The following IPMK variants were observed in gnomAD, a reference collection of about 807,000 sequenced individuals.
IPMK encodes inositol polyphosphate multikinase.
A neutral mutation model predicts 45.8 loss-of-function variants in IPMK; 17 were observed. That is an observed-to-expected ratio of 0.37 (90% CI 0.25 to 0.56). The LOEUF (loss-of-function observed/expected upper bound fraction) is 0.56, where lower values mean the gene tolerates loss of function less well. Among genes scored for constraint, IPMK ranks in the 20% least tolerant of loss-of-function variants. The pLI is 0.79. For synonymous variants in IPMK, 180 were observed against 184.3 expected (o/e 0.98, Z 0.19); for missense variants, 399 against 498.0 (o/e 0.80, Z 1.89).
intron 4 of IPMK, among the ~76,000 whole-genome samples, chr10:58,204,622 A>G (rs1177505940): frequency 2.0e-5 from 3 of 152,118 alleles, no homozygotes; most frequent in African/African-American, 7.2e-5. Context: ...AGTGAGACAC[A>G]GTCTCCACAA....
At position 58,201,244 on chromosome 10, in the gene IPMK, T is replaced by C. The variant is rs573809104; in HGVS notation, c.547-1923A>G. Among the ~76,000 whole-genome samples the C allele has an allele frequency of 2.6e-5, 4 of 152,346 alleles. No homozygotes were observed. In the South Asian group the frequency reaches 8.3e-4, roughly 32 times the overall value. ...CCTCATTTTATTGTGTTTCACTTCA[T>C]TGTGCTTTACAAATATACTGCATTA... On this transcript the variant is annotated intron_variant, in intron 4 of 5. Coordinates refer to ENST00000373935, the MANE Select transcript of IPMK (RefSeq NM_152230.5).
Position 58,237,829 on chromosome 10 carries a change from T to C in IPMK, c.191-15A>G. ...TTGCAGTATACCTATGGAACAAAAA[T>C]CAGAAATTGTTTAATGCTTTAATAA... On this transcript the variant is annotated splice_polypyrimidine_tract_variant and intron_variant, in intron 1 of 5. Coordinates refer to ENST00000373935, the MANE Select transcript of IPMK (RefSeq NM_152230.5). 1 of 1,588,290 alleles carries C rather than the reference T, an allele frequency of 6.3e-7. No homozygotes were observed. The highest frequency in any genetic ancestry group is 8.6e-7 in the Non-Finnish European group (1 of 1,156,550).
intron 4 of IPMK, among the ~76,000 whole-genome samples, chr10:58,203,760 T>C (rs1838030804): frequency 6.6e-6 from 1 of 152,262 alleles, no homozygotes; most frequent in Non-Finnish European, 1.5e-5. Flanking sequence ...AGTGGCAGGA[T>C]CTGAGAGGAC....
chr10:58,207,843 C>T (rs1455409123), intron 4 of IPMK, among the ~76,000 whole-genome samples: 1 of 152,112 alleles, frequency 6.6e-6, no homozygotes, highest in African/African-American at 2.4e-5. Flanking sequence ...GTAATTATTC[C>T]CTCAGATAAG....
Position 58,227,047 on chromosome 10 carries a change from T to C in IPMK, c.369A>G (p.Pro123=). The change falls in exon 3 of 6, where the codon CCA becomes CCG. Residue 123 remains proline (P), a synonymous_variant. Coordinates refer to ENST00000373935, the MANE Select transcript of IPMK (RefSeq NM_152230.5). ...YYGIWSPPTA[P]NDLYLKLEDV... ...TAATTTTTATGACAAGATTACCGTT[T>C]GGTGCAGTGGGAGGTGACCAGATGC... 6.3e-7 allele frequency: 1 copy of C among 1,598,914 alleles called. No homozygotes were observed. Among genetic ancestry groups the C allele is most frequent in the Non-Finnish European group, 8.6e-7 (1 of 1,167,464 alleles).
intron 4 of IPMK, among the ~76,000 whole-genome samples, chr10:58,211,446 G>A (rs557642512): frequency 3.9e-5 from 6 of 152,180 alleles, no homozygotes; most frequent in Non-Finnish European, 8.8e-5. Flanking sequence ...ACCCACCTCG[G>A]CCTTGCAAAG....
chr10:58,199,170 C>T (rs1256939260), intron 5 of IPMK, 70 bp downstream of exon 5: 1 of 921,798 alleles, frequency 1.1e-6, no homozygotes, highest in East Asian at 2.7e-5. Flanking sequence ...CAAATGACAA[C>T]TAAAACTGAA....
At chr10:58,259,595 G>A (rs1839025793) in intron 1 of IPMK, among the ~76,000 whole-genome samples, 1 of 150,662 alleles carries the variant, frequency 6.6e-6, no homozygotes, top group African/African-American at 2.5e-5. Context: ...CACTTTGAGA[G>A]TCTGAGGTGG....
chr10:58,263,782 C>G (rs931908771), intron 1 of IPMK, among the ~76,000 whole-genome samples: 1 of 152,212 alleles, frequency 6.6e-6, no homozygotes, highest in Non-Finnish European at 1.5e-5. Flanking sequence ...TATTGTTGGC[C>G]TCCACTTACA....
At chr10:58,227,899 A>G (rs1179626965) in intron 2 of IPMK, among the ~76,000 whole-genome samples, 1 of 152,192 alleles carries the variant, frequency 6.6e-6, no homozygotes, top group Admixed American at 6.5e-5. Flanking sequence ...TCTAAAATTA[A>G]TGAAGTTTAC....
chr10:58,261,244 A>T (rs989414014), intron 1 of IPMK, among the ~76,000 whole-genome samples: 2 of 150,686 alleles, frequency 1.3e-5, no homozygotes. Context: ...AGGGAAATAA[A>T]ACTTCCATAG....
At chr10:58,241,767 T>A (rs560003724) in intron 1 of IPMK, among the ~76,000 whole-genome samples, 60 of 152,082 alleles carry the variant, frequency 3.9e-4, no homozygotes, top group African/African-American at 1.4e-3. Flanking sequence ...GGTTCAAGAC[T>A]TAACCCTTAT....
intron 1 of IPMK, among the ~76,000 whole-genome samples, chr10:58,258,173 G>A (rs1839001063): frequency 6.6e-6 from 1 of 152,108 alleles, no homozygotes; most frequent in Non-Finnish European, 1.5e-5. Flanking sequence ...AGCCGGGCAT[G>A]GTGGTGCGTG....
rs61757082 is a variant in IPMK at position 58,196,509 on chromosome 10, A to G, written c.818T>C (p.Leu273Ser). 97 of 1,613,940 alleles carry G rather than the reference A, an allele frequency of 6.0e-5. No individual in the cohort carries two copies. The highest frequency in any genetic ancestry group is 7.8e-5 in the Non-Finnish European group (92 of 1,179,998). The change falls in exon 6 of 6, where the codon TTG (leucine) becomes TCG (serine). Residue 273 changes from leucine to serine, a missense_variant. This residue lies in a region of IPMK where 288 missense variants were observed against 398.0 expected (regional missense o/e 0.72). Coordinates refer to ENST00000373935, the MANE Select transcript of IPMK (RefSeq NM_152230.5). ...TCCTTTGGACAAAAACTTTTCTGCCAAAGTTCTGTCATTCAATTTTGTAGT... is the reference window on the plus strand; with the variant it reads ...TCCTTTGGACAAAAACTTTTCTGCCGAAGTTCTGTCATTCAATTTTGTAGT... The part of the protein sequence containing the change: ...PTTTKLNDRT[L>S]AEKFLSKGQL...
At chr10:58,261,107 T>TA (rs11375552) in intron 1 of IPMK, among the ~76,000 whole-genome samples, 136,746 of 139,576 alleles carry the variant, frequency 0.98, 66,998 homozygotes, top group East Asian at 1. Context: ...GGCTGAGCTA[T>TA]AAAAAAAAAA....
Position 58,220,419 on chromosome 10 carries a change from A to C in IPMK, c.374-4102T>G, listed in dbSNP as rs566825919. Among the ~76,000 whole-genome samples, 8 of 152,282 alleles carry C rather than the reference A, an allele frequency of 5.3e-5. No homozygotes were observed. The East Asian group carries it at 1.5e-3, about 29-fold the overall frequency. On this transcript the variant is annotated intron_variant, in intron 3 of 5. Transcript: ENST00000373935. ...GTTCATTTCCATAACTTGTGCCCAA[A>C]GAATCTTAACTGAGATGATAAAGTT...
chr10:58,216,274 C>T lies in IPMK; in HGVS notation c.417G>A (p.Lys139=), dbSNP rs148977478. 3,073 of 1,591,590 alleles carry T rather than the reference C, an allele frequency of 1.9e-3. 28 individuals are homozygous for T. The African/African-American group carries it at 0.025, about 13-fold the overall frequency. ...CTATCTTTACATCCATTATACAGGG[C>T]TTATTAAATTTATGGGTCACATCTT... ...KLEDVTHKFN[K]PCIMDVKIGQ... The change falls in exon 4 of 6, where the codon AAG becomes AAA. Residue 139 remains lysine, a synonymous_variant. Coordinates refer to ENST00000373935, the MANE Select transcript of IPMK (RefSeq NM_152230.5).
At chr10:58,255,644 TTTC>T (rs1203357445) in intron 1 of IPMK, among the ~76,000 whole-genome samples, 2 of 152,110 alleles carry the variant, frequency 1.3e-5, no homozygotes, top group South Asian at 2.1e-4. Context: ...GTAATTTATA[TTTC>T]TTTTTTTTTT....
intron 1 of IPMK, among the ~76,000 whole-genome samples, chr10:58,264,310 T>A (rs1839116945): frequency 6.6e-6 from 1 of 152,228 alleles, no homozygotes; most frequent in Non-Finnish European, 1.5e-5. Flanking sequence ...TCTGTAGGCT[T>A]GAAATTATTT....
Sources: gnomAD v4.1 joint callset for allele counts (sites outside exome capture counted in the v4.1 genomes callset) on GRCh38, gnomAD v4.1.1 for gene constraint, gnomAD v4.1.1 regional missense constraint, MANE v1.5 for transcripts, NCBI Gene and HGNC (gene_info 2026-07-23, HGNC 2026-07-21) for gene names.